Variants in MID1 observed in about 807,000 individuals in gnomAD.
The protein encoded by MID1 is midline 1.
Under a neutral mutation model 40.4 loss-of-function variants are expected in MID1, and 7 were observed. The observed-to-expected ratio is 0.17, with a 90% CI of 0.10 to 0.33. The LOEUF is 0.33. MID1 is among the 10% of genes least tolerant of loss of function. MID1 has a pLI of 1.00. For missense variants in MID1, 367 were observed against 558.5 expected, an observed-to-expected ratio of 0.66 and a Z score of 3.46; for synonymous variants, 229 against 221.2, an observed-to-expected ratio of 1.04 and a Z score of -0.31.
intron 1 of MID1, among the ~76,000 whole-genome samples, chrX:10,743,192 T>C (rs59412922): frequency 0.11 from 11,830 of 111,871 alleles, 1,519 homozygotes; most frequent in African/African-American, 0.36. Context: ...GGCTGGGTGG[T>C]TGTTTTTATG....
At chrX:10,623,184 G>A (rs1308959325), upstream of MID1, among the ~76,000 whole-genome samples, 2 of 105,830 alleles carry the variant, frequency 1.9e-5, no homozygotes, top group African/African-American at 7.0e-5. Flanking sequence ...CCAGGAGGTC[G>A]AGGCTGCAGT....
At chrX:10,647,264 G>A (rs909836358) in intron 1 of MID1, among the ~76,000 whole-genome samples, 1 of 111,581 alleles carries the variant, frequency 9.0e-6, no homozygotes, top group Non-Finnish European at 1.9e-5. Flanking sequence ...TCCAGCTCCC[G>A]ATCCAGCATT....
chrX:10,585,600 A>G (rs1935122554), intron 1 of MID1, among the ~76,000 whole-genome samples: 1 of 111,380 alleles, frequency 9.0e-6, no homozygotes. Context: ...AGCTCCATCA[A>G]TTTTTAGGGT....
At chrX:10,810,314 G>A (rs1029837525) in intron 1 of MID1, among the ~76,000 whole-genome samples, 1 of 112,339 alleles carries the variant, frequency 8.9e-6, no homozygotes, top group African/African-American at 3.2e-5. Flanking sequence ...ATGTCTTCAA[G>A]TTTTATAGCA....
intron 1 of MID1, among the ~76,000 whole-genome samples, chrX:10,591,529 G>T (rs1172006586): frequency 8.9e-6 from 1 of 112,181 alleles, no homozygotes; most frequent in Non-Finnish European, 1.9e-5. Flanking sequence ...CTCCAGGGGT[G>T]CTGGGCAAAG....
At chrX:10,601,499 G>A (rs994351944) in intron 1 of MID1, among the ~76,000 whole-genome samples, 2 of 111,970 alleles carry the variant, frequency 1.8e-5, no homozygotes, top group Non-Finnish European at 3.8e-5. Context: ...AGTCTATGTC[G>A]AGCTGAGGGG....
chrX:10,710,738 C>A (rs1328564814), intron 1 of MID1, among the ~76,000 whole-genome samples: 2 of 111,519 alleles, frequency 1.8e-5, no homozygotes, highest in African/African-American at 6.5e-5. Context: ...TCTTCAATCA[C>A]ATTAGTCAGC....
chrX:10,790,573 T>A (rs2043923366), intron 1 of MID1, among the ~76,000 whole-genome samples: 1 of 110,371 alleles, frequency 9.1e-6, no homozygotes, highest in African/African-American at 3.3e-5. Context: ...TGGGAGTGAG[T>A]TCCTCCCACT....
chrX:10,764,614 G>T (rs1190260707), intron 1 of MID1, among the ~76,000 whole-genome samples: 1 of 111,164 alleles, frequency 9.0e-6, no homozygotes, highest in African/African-American at 3.3e-5. Context: ...TTTATTTATT[G>T]TATCTATCCT....
chrX:10,823,621 TGTGTATGTGTGC>T (rs1264983829), intron 1 of MID1, among the ~76,000 whole-genome samples: 1 of 111,203 alleles, frequency 9.0e-6, no homozygotes, highest in Non-Finnish European at 1.9e-5. Flanking sequence ...TGCATGTGTG[TGTGTATGTGTGC>T]GTGTGTATAA....
At chrX:10,499,612 T>G (rs961782383) in intron 3 of MID1, among the ~76,000 whole-genome samples, 3 of 112,066 alleles carry the variant, frequency 2.7e-5, no homozygotes, top group African/African-American at 9.7e-5. Context: ...AGGTCAGTTT[T>G]GTGTATGGTG....
In MID1 at chrX:10,446,122, C is replaced by T. The variant is rs1380336411; in HGVS notation, c.*3246G>A. 9.0e-6 allele frequency: 1 copy of T among 111,372 alleles called. No individual in the cohort carries two copies. Among genetic ancestry groups the T allele is most frequent in the East Asian group, 2.8e-4 (1 of 3,537 alleles). 9.2% of individuals were successfully genotyped at this position (111,372 alleles called of 1,213,427 possible). On this transcript the variant is annotated 3_prime_UTR_variant, in exon 10 of 10. Transcript: ENST00000317552. Reference sequence around the variant, plus strand: ...CAACCAAAAGTTGCCATTGCATTGCCAAATGTCTCCTGGGGGGCAAAATCG... The same window carrying T: ...CAACCAAAAGTTGCCATTGCATTGCTAAATGTCTCCTGGGGGGCAAAATCG...
At chrX:10,770,337 TG>T (rs1299192445) in intron 1 of MID1, among the ~76,000 whole-genome samples, 2 of 112,243 alleles carry the variant, frequency 1.8e-5, no homozygotes, top group Non-Finnish European at 3.8e-5. Context: ...CTTCACACAA[TG>T]GCTTCACTCA....
At chrX:10,705,030 G>A (rs969257076) in intron 1 of MID1, among the ~76,000 whole-genome samples, 2 of 110,979 alleles carry the variant, frequency 1.8e-5, no homozygotes, top group African/African-American at 6.5e-5. Flanking sequence ...CCAAAGTGCT[G>A]GGATTACAGG....
At chrX:10,670,910 G>T (rs1354356552) in intron 1 of MID1, among the ~76,000 whole-genome samples, 1 of 111,804 alleles carries the variant, frequency 8.9e-6, no homozygotes. Flanking sequence ...AGAGGGCCTT[G>T]GAACCATTTA....
At chrX:10,715,980 G>A (rs2043300052) in intron 1 of MID1, among the ~76,000 whole-genome samples, 2 of 112,017 alleles carry the variant, frequency 1.8e-5, no homozygotes, top group Admixed American at 9.4e-5. Context: ...CTGCAGCTGA[G>A]GGTCCTGTCT....
At position 10,449,564 on chromosome X, in the gene MID1, C is replaced by A. The variant is rs750682655; in HGVS notation, c.1808G>T (p.Arg603Leu). 8.3e-7 allele frequency: 1 copy of A among 1,211,666 alleles called. No individual in the cohort carries two copies. The highest frequency in any genetic ancestry group is 1.7e-5 in the African/African-American group (1 of 57,769). Reference sequence around the variant, plus strand: ...ATCATAGTCCAGCAGGATGCCCACGCGCCGGAGGTGGGGGGCAGGCTCAAT... The same window carrying A: ...ATCATAGTCCAGCAGGATGCCCACGAGCCGGAGGTGGGGGGCAGGCTCAAT... ...IPIEPAPHLR[R>L]VGILLDYDNG... Residue 603 changes from arginine (R) to leucine (L), a missense_variant, in exon 10 of 10, where the codon CGC (arginine) becomes CTC (leucine). Transcript: ENST00000317552.
At chrX:10,724,717 CT>C (rs1319535637) in intron 1 of MID1, among the ~76,000 whole-genome samples, 2 of 112,076 alleles carry the variant, frequency 1.8e-5, no homozygotes, top group African/African-American at 6.5e-5. Context: ...TGAGCTTTTC[CT>C]TTTTGCCATC....
intron 2 of MID1, 104 bp from the exon 3 acceptor site, chrX:10,523,291 A>G: frequency 1.7e-6 from 1 of 576,812 alleles, no homozygotes; most frequent in Non-Finnish European, 2.8e-6. Context: ...TACATTTTTC[A>G]GAAACCTTAG....
Sources: allele counts gnomAD v4.1 joint callset (sites outside exome capture counted in the v4.1 genomes callset), GRCh38; gene constraint gnomAD v4.1.1; transcripts MANE v1.5; gene names NCBI Gene and HGNC (gene_info 2026-07-23, HGNC 2026-07-21).